Variants in PCCA observed in about 807,000 individuals in gnomAD.
The protein encoded by PCCA is propionyl-CoA carboxylase subunit alpha.
A neutral mutation model predicts 101.3 loss-of-function variants in PCCA; 74 were observed. The ratio of observed to expected loss-of-function variants is 0.73; its 90% confidence interval spans 0.61 to 0.89. The LOEUF (loss-of-function observed/expected upper bound fraction) is 0.89. Among genes scored for constraint, PCCA ranks in the 40% least tolerant of loss-of-function variants. The pLI, the probability that PCCA is intolerant of heterozygous loss-of-function variation, is 0.00. For synonymous variants in PCCA, 294 were observed against 313.6 expected (o/e 0.94, Z 0.66); for missense variants, 891 against 907.0 (o/e 0.98, Z 0.23).
chr13:100,444,192 T>A (rs575068337), intron 20 of PCCA, among the ~76,000 whole-genome samples: 31 of 137,446 alleles, frequency 2.3e-4, no homozygotes, highest in Admixed American at 2.2e-3. Context: ...AACTGTCTCA[T>A]CAGCCCACAA....
intron 23 of PCCA, 78 bp from the exon 24 acceptor site, chr13:100,530,020 G>C (rs1255550062): frequency 9.9e-6 from 11 of 1,115,162 alleles, no homozygotes; most frequent in Admixed American, 1.8e-5. Context: ...TTTTAGAAAT[G>C]GATTAGGAGC....
At chr13:100,202,179 A>C (rs936404066) in intron 6 of PCCA, among the ~76,000 whole-genome samples, 6 of 151,134 alleles carry the variant, frequency 4.0e-5, no homozygotes, top group Non-Finnish European at 7.4e-5. Flanking sequence ...AAAAAAAAAA[A>C]AAAAAAAAAC....
chr13:100,148,693 C>CA (rs1276699441), intron 4 of PCCA, among the ~76,000 whole-genome samples: 1 of 151,988 alleles, frequency 6.6e-6, no homozygotes, highest in African/African-American at 2.4e-5. Context: ...AAACAAAAAA[C>CA]AAAAAACCCA....
chr13:100,139,316 TTCTCAGCATGG>T (rs2051580480), intron 4 of PCCA, among the ~76,000 whole-genome samples: 1 of 152,066 alleles, frequency 6.6e-6, no homozygotes, highest in Non-Finnish European at 1.5e-5. Flanking sequence ...AAAAAATATT[TTCTCAGCATGG>T]TGCTGAGAAC....
intron 21 of PCCA, among the ~76,000 whole-genome samples, chr13:100,477,127 T>G (rs1489550207): frequency 6.6e-6 from 1 of 152,230 alleles, no homozygotes; most frequent in Non-Finnish European, 1.5e-5. Flanking sequence ...ACTGGCTATT[T>G]GCTTGGCCTC....
At position 100,365,710 on chromosome 13, in the gene PCCA, G is replaced by A. The variant is rs572410874; in HGVS notation, c.1644-2762G>A. On this transcript the variant is annotated intron_variant, in intron 18 of 23. Transcript: ENST00000376285. ...ATAAAGAAAGAGGTTTCAGTTATAGGGGAAAGTAAGAATATAGGCCGAGAG... is the reference window on the plus strand; with the variant it reads ...ATAAAGAAAGAGGTTTCAGTTATAGAGGAAAGTAAGAATATAGGCCGAGAG... Among the ~76,000 whole-genome samples the A allele has an allele frequency of 4.5e-4, 69 of 152,274 alleles. 1 individual carries two copies. The South Asian group carries it at 0.014, about 32-fold the overall frequency.
chr13:100,336,279 CAA>C (rs1299550342), intron 17 of PCCA, among the ~76,000 whole-genome samples: 8 of 152,188 alleles, frequency 5.3e-5, no homozygotes, highest in South Asian at 2.1e-4. Context: ...CAAAAACAAA[CAA>C]ACACACACCC....
intron 16 of PCCA, among the ~76,000 whole-genome samples, chr13:100,329,310 G>C (rs2069186635): frequency 6.6e-6 from 1 of 152,132 alleles, no homozygotes; most frequent in Non-Finnish European, 1.5e-5. Context: ...AAGCAGCAGA[G>C]ACAACTTGCA....
At chr13:100,150,145 A>G (rs2053121044) in intron 4 of PCCA, among the ~76,000 whole-genome samples, 1 of 145,340 alleles carries the variant, frequency 6.9e-6, no homozygotes, top group Non-Finnish European at 1.5e-5. Context: ...CTCCTGCCTC[A>G]GCCTCCCGAG....
intron 16 of PCCA, among the ~76,000 whole-genome samples, chr13:100,328,689 ATTT>A (rs757599001): frequency 2.0e-5 from 2 of 98,200 alleles, no homozygotes; most frequent in Non-Finnish European, 4.0e-5. Context: ...GTTGAGGTTA[ATTT>A]TTTTTTTTTT....
intron 21 of PCCA, among the ~76,000 whole-genome samples, chr13:100,465,335 C>G (rs1049473460): frequency 6.6e-6 from 1 of 152,168 alleles, no homozygotes; most frequent in Non-Finnish European, 1.5e-5. Context: ...GAGCAGTGTT[C>G]TGGATCCTTT....
At chr13:100,276,282 A>G (rs987885170) in intron 12 of PCCA, among the ~76,000 whole-genome samples, 10 of 143,834 alleles carry the variant, frequency 7.0e-5, no homozygotes, top group East Asian at 6.1e-4. Context: ...TTTTCAATTT[A>G]TTGAAAATAT....
chr13:100,198,533 C>G (rs1189419339), intron 6 of PCCA: 4 of 152,014 alleles, frequency 2.6e-5, no homozygotes, highest in Non-Finnish European at 5.9e-5. Context: ...GAGTTTCGCT[C>G]TTGTTGCCCA....
At position 100,126,794 on chromosome 13, in the gene PCCA, AT is replaced by A. The variant is rs572732135; in HGVS notation, c.300+14742del. ...AAGAGTTATTGTACAGATGAACACC[AT>A]TTTTTTTTATTATTGTGAGCACTGC... is the stretch of plus-strand genomic sequence containing the variant. On this transcript the variant is annotated intron_variant, in intron 4 of 23. Coordinates refer to ENST00000376285, the MANE Select transcript of PCCA (RefSeq NM_000282.4). Among the ~76,000 whole-genome samples the A allele has an allele frequency of 8.3e-3, 1,258 of 151,788 alleles. 18 individuals are homozygous for A. Among genetic ancestry groups the A allele is most frequent in the African/African-American group, 0.019 (791 of 41,406 alleles).
Position 100,412,676 on chromosome 13 carries a change from T to G in PCCA, c.1747-12957T>G, listed in dbSNP as rs550007489. On this transcript the variant is annotated intron_variant, in intron 19 of 23. Coordinates refer to ENST00000376285, the MANE Select transcript of PCCA (RefSeq NM_000282.4). Reference sequence around the variant, plus strand: ...CCTAATGGATAGTTAGTTTTGTTTTTTTTTAAACCAGGGTCTTCCTTGAGA... The same window carrying G: ...CCTAATGGATAGTTAGTTTTGTTTTGTTTTAAACCAGGGTCTTCCTTGAGA... 3.0e-4 allele frequency among the ~76,000 whole-genome samples: 45 copies of G among 152,306 alleles called. 1 individual carries two copies. The South Asian group carries it at 9.1e-3, about 31-fold the overall frequency.
chr13:100,294,853 T>C lies in PCCA; in HGVS notation c.1066-6607T>C, dbSNP rs138478196. On this transcript the variant is annotated intron_variant, in intron 12 of 23. Coordinates refer to ENST00000376285, the MANE Select transcript of PCCA (RefSeq NM_000282.4). Reference sequence around the variant, plus strand: ...ATCTGTATATAATCCTACACAGGTATACGCACCTTCATCCATCTATTCTAA... The same window carrying C: ...ATCTGTATATAATCCTACACAGGTACACGCACCTTCATCCATCTATTCTAA... Among the ~76,000 whole-genome samples, 129 of 152,334 alleles carry C rather than the reference T, an allele frequency of 8.5e-4. 1 individual carries two copies. The highest frequency in any genetic ancestry group is 2.8e-3 in the African/African-American group (115 of 41,580).
intron 20 of PCCA, among the ~76,000 whole-genome samples, chr13:100,447,266 C>G (rs2080900743): frequency 6.6e-6 from 1 of 151,868 alleles, no homozygotes. Flanking sequence ...TGCCTATAGT[C>G]CCAGCTACTT....
Position 100,188,484 on chromosome 13 carries a change from A to G in PCCA, c.469-20848A>G, listed in dbSNP as rs572162974. Among the ~76,000 whole-genome samples the G allele has an allele frequency of 3.8e-4, 58 of 152,250 alleles. No homozygotes were observed. The South Asian group carries it at 0.012, about 31-fold the overall frequency. ...TGATGGGTATTTGGGCTGGCTCCAT[A>G]TTTTTGCAATTGCAAATTGTGCTGC... On this transcript the variant is annotated intron_variant, in intron 6 of 23. Coordinates refer to ENST00000376285, the MANE Select transcript of PCCA (RefSeq NM_000282.4).
intron 8 of PCCA, among the ~76,000 whole-genome samples, chr13:100,248,545 A>G (rs1446790488): frequency 6.6e-6 from 1 of 152,150 alleles, no homozygotes; most frequent in Admixed American, 6.6e-5. Context: ...CCCTCATGAC[A>G]TATAATATTG....
Sources: gnomAD v4.1 joint callset for allele counts (sites outside exome capture counted in the v4.1 genomes callset) on GRCh38, gnomAD v4.1.1 for gene constraint, MANE v1.5 for transcripts, NCBI Gene and HGNC (gene_info 2026-07-23, HGNC 2026-07-21) for gene names.